ABCC1: variants seen among roughly 807,000 people sequenced by gnomAD.
ABCC1 encodes multidrug resistance-associated protein 1.
In ABCC1, 83 loss-of-function variants were observed where a neutral mutation model predicts 172.9. That is an observed-to-expected ratio of 0.48 (90% CI 0.40 to 0.58). ABCC1 has a LOEUF of 0.58. ABCC1 is among the 20% of genes least tolerant of loss of function. The pLI is 0.00. For synonymous variants in ABCC1, 937 were observed against 825.2 expected, an observed-to-expected ratio of 1.14 and a Z score of -2.32; for missense variants, 1,817 against 2,002.7, an observed-to-expected ratio of 0.91 and a Z score of 1.77.
At position 16,090,707 on chromosome 16, in the gene ABCC1, T is replaced by C. The variant is rs114943729; in HGVS notation, c.2644+119T>C. 2,135 of 1,166,936 alleles carry C rather than the reference T, an allele frequency of 1.8e-3. 28 individuals are homozygous for C. The African/African-American group carries it at 0.028, about 15-fold the overall frequency. 72.3% of individuals were successfully genotyped at this position (1,166,936 alleles called of 1,614,324 possible). ...AAGGCGGCTCCTCAGGGCATGAGGG[T>C]GGGAGCTGGATGGAGCCCCCTAAAG... is the stretch of plus-strand genomic sequence containing the variant. On this transcript the variant is annotated intron_variant, in intron 19 of 30. Coordinates refer to ENST00000399410, the MANE Select transcript of ABCC1 (RefSeq NM_004996.4).
chr16:15,983,755 CA>C, intron 1 of ABCC1, among the ~76,000 whole-genome samples: 1 of 146,808 alleles, frequency 6.8e-6, no homozygotes, highest in Non-Finnish European at 1.5e-5. Context: ...GGGGTTTCAT[CA>C]TGTTGGCCAG....
intron 3 of ABCC1, among the ~76,000 whole-genome samples, chr16:16,010,666 T>C (rs2047743342): frequency 6.6e-6 from 1 of 152,230 alleles, no homozygotes; most frequent in Non-Finnish European, 1.5e-5. Flanking sequence ...GAGCACTTAC[T>C]ATGTATGTAC....
At chr16:15,964,132 A>G (rs2046196076) in intron 1 of ABCC1, among the ~76,000 whole-genome samples, 1 of 152,096 alleles carries the variant, frequency 6.6e-6, no homozygotes, top group Non-Finnish European at 1.5e-5. Context: ...TTGTAGAGAC[A>G]GGATTTCACC....
chr16:16,016,823 T>C (rs1448873556), intron 5 of ABCC1, among the ~76,000 whole-genome samples: 2 of 152,260 alleles, frequency 1.3e-5, no homozygotes, highest in African/African-American at 4.8e-5. Flanking sequence ...GGAGAGAATC[T>C]GCTTTGTCAT....
chr16:16,118,490 GA>G (rs2152105881), intron 23 of ABCC1, among the ~76,000 whole-genome samples: 1 of 140,750 alleles, frequency 7.1e-6, no homozygotes, highest in East Asian at 2.2e-4. Flanking sequence ...ACGCAAGCTG[GA>G]AAATTTCCTG....
At chr16:15,991,778 T>C (rs246219) in intron 1 of ABCC1, among the ~76,000 whole-genome samples, 123,749 of 152,042 alleles carry the variant, frequency 0.81, 50,635 homozygotes, top group Non-Finnish European at 0.87. Flanking sequence ...ACGCCGACTC[T>C]GCAGTGGCCT....
chr16:16,094,209 C>G (rs143846227), intron 19 of ABCC1: 1 of 276,578 alleles, frequency 3.6e-6, no homozygotes, highest in Admixed American at 3.8e-5. Flanking sequence ...TCTGTAGGTC[C>G]GGCGACGCAA....
At chr16:16,098,590 G>C (rs895139618) in intron 19 of ABCC1, among the ~76,000 whole-genome samples, 1 of 152,266 alleles carries the variant, frequency 6.6e-6, no homozygotes, top group South Asian at 2.1e-4. Context: ...CTTCCCTCCA[G>C]CCTGGGCTAA....
At position 16,093,193 on chromosome 16, in the gene ABCC1, C is replaced by T. The variant is rs1281690941; in HGVS notation, c.2644+2605C>T. 3.3e-5 allele frequency among the ~76,000 whole-genome samples: 5 copies of T among 152,174 alleles called. No homozygotes were observed. The East Asian group carries it at 9.7e-4, about 29-fold the overall frequency. ...CCCGAGCAATGCATTGTGGCAACTT[C>T]TCGGTGACTTTTTCACTGACCTGCT... On this transcript the variant is annotated intron_variant, in intron 19 of 30. Coordinates refer to ENST00000399410, the MANE Select transcript of ABCC1 (RefSeq NM_004996.4).
At chr16:16,036,150 A>G (rs1317101176) in intron 6 of ABCC1, among the ~76,000 whole-genome samples, 2 of 151,946 alleles carry the variant, frequency 1.3e-5, no homozygotes, top group Non-Finnish European at 2.9e-5. Flanking sequence ...TGAACGAATA[A>G]TAAAAAATAA....
intron 1 of ABCC1, among the ~76,000 whole-genome samples, chr16:15,997,153 G>T (rs2047086154): frequency 2.0e-5 from 3 of 149,828 alleles, no homozygotes; most frequent in Middle Eastern, 3.5e-3. Context: ...GTGCAGTGGT[G>T]CAATCTCGGC....
chr16:15,949,465 G>C (rs1253821988), upstream of ABCC1: 11 of 149,310 alleles, frequency 7.4e-5, no homozygotes, highest in African/African-American at 2.7e-4. Context: ...CAGGCCCGGG[G>C]CGCCGAGAGG....
At chr16:16,000,327 G>A (rs985183881) in intron 1 of ABCC1, among the ~76,000 whole-genome samples, 2 of 151,300 alleles carry the variant, frequency 1.3e-5, no homozygotes, top group Admixed American at 6.6e-5. Flanking sequence ...TGTGTTTCTA[G>A]TAGAGACGGG....
intron 9 of ABCC1, among the ~76,000 whole-genome samples, chr16:16,047,526 C>T (rs1272679561): frequency 6.6e-6 from 1 of 152,102 alleles, no homozygotes; most frequent in African/African-American, 2.4e-5. Flanking sequence ...GGACATTTTC[C>T]CCCACCAGGG....
chr16:15,953,779 C>G (rs1409824925), intron 1 of ABCC1, among the ~76,000 whole-genome samples: 1 of 152,132 alleles, frequency 6.6e-6, no homozygotes, highest in Non-Finnish European at 1.5e-5. Context: ...CAGTAACCCC[C>G]TGAATATCTG....
chr16:16,097,328 G>A (rs2051525746), intron 19 of ABCC1, among the ~76,000 whole-genome samples: 1 of 152,126 alleles, frequency 6.6e-6, no homozygotes, highest in African/African-American at 2.4e-5. Context: ...GGTCAGGCTG[G>A]TCTTGAACTC....
At chr16:16,106,356 C>T (rs1269082174) in intron 20 of ABCC1, among the ~76,000 whole-genome samples, 1 of 149,676 alleles carries the variant, frequency 6.7e-6, no homozygotes, top group Non-Finnish European at 1.5e-5. Flanking sequence ...TACGATGTGC[C>T]CTTTCTGTTA....
In ABCC1 at chr16:16,122,080, C is replaced by A; in HGVS notation, c.3496C>A (p.Arg1166=). 6.2e-7 allele frequency: 1 copy of A among 1,614,156 alleles called. No homozygotes were observed. The highest frequency in any genetic ancestry group is 8.5e-7 in the Non-Finnish European group (1 of 1,180,036). The part of the protein sequence containing the change: ...NETLLGVSVI[R]AFEEQERFIH... Reference sequence around the variant, plus strand: ...GACCTTGCTGGGGGTCAGCGTCATTCGAGCCTTCGAGGAGCAGGAGCGCTT... The same window carrying A: ...GACCTTGCTGGGGGTCAGCGTCATTAGAGCCTTCGAGGAGCAGGAGCGCTT... The change falls in exon 24 of 31, where the codon CGA becomes AGA. Residue 1166 remains arginine, a synonymous_variant. Coordinates refer to ENST00000399410, the MANE Select transcript of ABCC1 (RefSeq NM_004996.4).
At chr16:16,085,815 C>G (rs115045423) in intron 17 of ABCC1, among the ~76,000 whole-genome samples, 2,509 of 152,238 alleles carry the variant, frequency 0.016, 82 homozygotes, top group African/African-American at 0.057. Context: ...TGCCAGGACC[C>G]CACCTCAGTG....
Sources: gnomAD v4.1 joint callset for allele counts (sites outside exome capture counted in the v4.1 genomes callset) on GRCh38, gnomAD v4.1.1 for gene constraint, MANE v1.5 for transcripts, NCBI Gene and HGNC (gene_info 2026-07-23, HGNC 2026-07-21) for gene names.